Variants in ABITRAM observed in about 807,000 individuals in gnomAD.
The protein encoded by ABITRAM is protein Abitram.
ABITRAM carries 19 observed loss-of-function variants against 22.9 expected under a neutral mutation model. The ratio of observed to expected loss-of-function variants is 0.83; its 90% CI spans 0.58 to 1.22. The LOEUF (loss-of-function observed/expected upper bound fraction) is 1.22. Among genes scored for constraint, ABITRAM ranks in the 50% most tolerant of loss-of-function variants. The pLI is 0.00. For synonymous variants in ABITRAM, 70 were observed against 73.9 expected (o/e 0.95, Z 0.27); for missense variants, 215 against 220.2 (o/e 0.98, Z 0.15).
Position 108,934,416 on chromosome 9 carries a change from C to T in ABITRAM, c.-71C>T, listed in dbSNP as rs528449869. On this transcript the variant is annotated 5_prime_UTR_variant, in exon 1 of 6. It adds an upstream start codon to the 5' untranslated region. Coordinates refer to ENST00000322940, the MANE Select transcript of ABITRAM (RefSeq NM_017832.4). ...ACACGCGCTGTGCGCCGGAAGAGCA[C>T]GCCCAGTCCGGGCTGCGCGGAGGAA... The T allele has an allele frequency of 4.7e-5, 64 of 1,374,560 alleles. No individual in the cohort carries two copies. The highest frequency in any genetic ancestry group is 8.1e-5 in the South Asian group (6 of 73,862). The allele number at this position is 1,374,560 out of a possible 1,614,324, so 85.1% of individuals were successfully genotyped here.
chr9:108,937,890 C>A (rs1312045224), intron 3 of ABITRAM, among the ~76,000 whole-genome samples: 1 of 150,780 alleles, frequency 6.6e-6, no homozygotes, highest in African/African-American at 2.4e-5. Context: ...CCCAGTTACC[C>A]AGGAGGCTGA....
chr9:108,943,395 C>T (rs991217190), downstream of ABITRAM, among the ~76,000 whole-genome samples: 8 of 152,158 alleles, frequency 5.3e-5, no homozygotes, highest in Admixed American at 3.3e-4. Context: ...CCCATATTCT[C>T]TCAGACAAAT....
chr9:108,948,604 A>T (rs1830472036), intron 3 of ABITRAM, among the ~76,000 whole-genome samples: 1 of 152,138 alleles, frequency 6.6e-6, no homozygotes, highest in Admixed American at 6.5e-5. Flanking sequence ...TCAAACCAAA[A>T]CTCAGGACAT....
At chr9:108,942,796 A>G (rs766660444), downstream of ABITRAM, 2 of 1,613,266 alleles carry the variant, frequency 1.2e-6, no homozygotes, top group South Asian at 2.2e-5. Flanking sequence ...TAGTGTCCTT[A>G]TTTGTAACTG....
downstream of ABITRAM, among the ~76,000 whole-genome samples, chr9:108,945,015 T>C (rs1830359677): frequency 1.3e-5 from 2 of 152,220 alleles, no homozygotes; most frequent in South Asian, 4.1e-4. Flanking sequence ...GTTACCACTT[T>C]CTATTCTGCA....
intron 3 of ABITRAM, chr9:108,948,109 A>T: frequency 6.7e-7 from 1 of 1,486,642 alleles, no homozygotes; most frequent in Non-Finnish European, 9.3e-7. Flanking sequence ...ATGATATAAT[A>T]AATCATCTGG....
chr9:108,934,446 T>C lies in ABITRAM; in HGVS notation c.-41T>C. 6.5e-7 allele frequency: 1 copy of C among 1,536,614 alleles called. No homozygotes were observed. Reference sequence around the variant, plus strand: ...AGTCCGGGCTGCGCGGAGGAAGCGCTGGGGTCCCGGAGGGCGGGGGTGGCG... The same window carrying C: ...AGTCCGGGCTGCGCGGAGGAAGCGCCGGGGTCCCGGAGGGCGGGGGTGGCG... On this transcript the variant is annotated 5_prime_UTR_variant, in exon 1 of 6. Coordinates refer to ENST00000322940, the MANE Select transcript of ABITRAM (RefSeq NM_017832.4).
chr9:108,948,098 CAT>C, intron 3 of ABITRAM: 10 of 1,408,428 alleles, frequency 7.1e-6, no homozygotes, highest in South Asian at 1.2e-5. Context: ...AGCATATACA[CAT>C]GATATAATAA....
Position 108,939,798 on chromosome 9 carries a change from A to G in ABITRAM, c.*112A>G. Reference sequence around the variant, plus strand: ...TAAAGCATACCTAACAGCCAGCCATATGCAGGGGAGGCCTAGTGCTTCACT... The same window carrying G: ...TAAAGCATACCTAACAGCCAGCCATGTGCAGGGGAGGCCTAGTGCTTCACT... On this transcript the variant is annotated 3_prime_UTR_variant, in exon 6 of 6. Coordinates refer to ENST00000322940, the MANE Select transcript of ABITRAM (RefSeq NM_017832.4). 1 of 1,274,008 alleles carries G rather than the reference A, an allele frequency of 7.8e-7. No homozygotes were observed. The highest frequency in any genetic ancestry group is 1.1e-6 in the Non-Finnish European group (1 of 918,284). 78.9% of individuals were successfully genotyped at this position (1,274,008 alleles called of 1,614,324 possible).
intron 3 of ABITRAM, among the ~76,000 whole-genome samples, chr9:108,950,254 C>G (rs564312420): frequency 7.9e-5 from 12 of 152,248 alleles, no homozygotes; most frequent in African/African-American, 2.9e-4. Flanking sequence ...TGGGTAAACA[C>G]AGGAGTTCCA....
Position 108,939,217 on chromosome 9 carries a change from C to T in ABITRAM, c.283C>T (p.Leu95Phe), listed in dbSNP as rs1830226961. The T allele has an allele frequency of 6.2e-7, 1 of 1,613,668 alleles. No homozygotes were observed. Among genetic ancestry groups the T allele is most frequent in the South Asian group, 1.1e-5 (1 of 91,064 alleles). The change falls in exon 4 of 6, where the codon CTT (leucine) becomes TTT (phenylalanine). Residue 95 changes from leucine to phenylalanine, a missense_variant. Coordinates refer to ENST00000322940, the MANE Select transcript of ABITRAM (RefSeq NM_017832.4). ...ACAGGGGGCACAGTTTCTAACAGAG[C>T]TTGCACCTCTCTGTAAGATTTACTG... The part of the protein sequence containing the change: ...FKRGAQFLTE[L>F]APLCKIYCSD...
chr9:108,948,299 A>G, intron 3 of ABITRAM: 2 of 1,488,492 alleles, frequency 1.3e-6, no homozygotes, highest in Non-Finnish European at 1.8e-6. Flanking sequence ...ACTTTATAAT[A>G]TTAAAATTTT....
intron 3 of ABITRAM, among the ~76,000 whole-genome samples, chr9:108,938,235 G>C (rs1039846590): frequency 6.6e-6 from 1 of 152,174 alleles, no homozygotes; most frequent in Non-Finnish European, 1.5e-5. Flanking sequence ...AAGTCACAAT[G>C]ACTCTAGTAT....
rs747972500 is a variant in ABITRAM, at chr9:108,939,586, A to G, written c.446A>G (p.Lys149Arg). The G allele has an allele frequency of 6.2e-7, 1 of 1,613,948 alleles. No individual in the cohort carries two copies. Among genetic ancestry groups the G allele is most frequent in the African/African-American group, 1.3e-5 (1 of 74,880 alleles). ...TEGYIAVVLP[K>R]FEESKSITEG... is the part of the protein sequence containing the mutation. ...GGCTACATTGCAGTTGTGTTACCCA[A>G]ATTTGAAGAAAGTAAAAGCATAACA... Residue 149 changes from lysine to arginine, a missense_variant, in exon 6 of 6, where the codon AAA becomes AGA. Coordinates refer to ENST00000322940, the MANE Select transcript of ABITRAM (RefSeq NM_017832.4).
At chr9:108,949,956 G>A (rs1189049496) in intron 3 of ABITRAM, among the ~76,000 whole-genome samples, 1 of 151,124 alleles carries the variant, frequency 6.6e-6, no homozygotes, top group Non-Finnish European at 1.5e-5. Flanking sequence ...CTCAGGAGGC[G>A]GAGGTTGCAG....
chr9:108,934,865 A>C (rs986072208), intron 1 of ABITRAM, among the ~76,000 whole-genome samples: 12 of 152,282 alleles, frequency 7.9e-5, no homozygotes, highest in Middle Eastern at 3.4e-3. Flanking sequence ...CTAGGTTGCA[A>C]CAGTCCTTAA....
chr9:108,943,954 T>A, downstream of ABITRAM: 2 of 1,613,088 alleles, frequency 1.2e-6, no homozygotes, highest in South Asian at 2.2e-5. Flanking sequence ...TAGGTAGACA[T>A]GTGTTACCTG....
intron 3 of ABITRAM, among the ~76,000 whole-genome samples, chr9:108,948,829 A>C (rs1177886601): frequency 6.6e-6 from 1 of 152,202 alleles, no homozygotes; most frequent in Non-Finnish European, 1.5e-5. Flanking sequence ...AAGAATAACC[A>C]AATGCATTAA....
intron 3 of ABITRAM, chr9:108,950,376 G>T: frequency 9.8e-7 from 1 of 1,016,890 alleles, no homozygotes; most frequent in Non-Finnish European, 1.4e-6. Context: ...GCTAACAACA[G>T]TTAAGAACAA....
Sources: gnomAD v4.1 joint callset for allele counts (sites outside exome capture counted in the v4.1 genomes callset) on GRCh38, gnomAD v4.1.1 for gene constraint, MANE v1.5 for transcripts, NCBI Gene and HGNC (gene_info 2026-07-23, HGNC 2026-07-21) for gene names.